The following CNGB3 variants were observed in gnomAD, a reference collection of about 807,000 sequenced individuals.
The protein encoded by CNGB3 is cyclic nucleotide gated channel subunit beta 3.
Under a neutral mutation model 92.8 loss-of-function variants are expected in CNGB3, and 86 were observed. That is an observed-to-expected ratio of 0.93 (90% CI 0.78 to 1.11). CNGB3 has a LOEUF of 1.11. CNGB3 is among the 50% of genes least tolerant of loss of function. The pLI, the probability that CNGB3 is intolerant of heterozygous loss-of-function variation, is 0.00. For synonymous variants in CNGB3, 333 were observed against 332.7 expected, an observed-to-expected ratio of 1.00 and a Z score of -0.01; for missense variants, 1,026 against 956.8, an observed-to-expected ratio of 1.07 and a Z score of -0.95.
intron 3 of CNGB3, among the ~76,000 whole-genome samples, chr8:86,672,790 C>A (rs1441806904): frequency 6.6e-6 from 1 of 152,202 alleles, no homozygotes; most frequent in East Asian, 1.9e-4. Context: ...CTCTTACCTT[C>A]TTATTATCAT....
intron 13 of CNGB3, among the ~76,000 whole-genome samples, chr8:86,623,490 CTG>C (rs543671097): frequency 8.0e-4 from 122 of 152,232 alleles, no homozygotes; most frequent in Non-Finnish European, 1.3e-3. Context: ...GGGAGGAACA[CTG>C]TGTCCTTACA....
chr8:86,655,204 G>A (rs1471765426), intron 6 of CNGB3, among the ~76,000 whole-genome samples: 1 of 152,010 alleles, frequency 6.6e-6, no homozygotes, highest in Admixed American at 6.6e-5. Flanking sequence ...CTGCTTTCTG[G>A]CACTGCTGTC....
chr8:86,578,983 T>C (rs1821711052), intron 16 of CNGB3, 120 bp from the exon 17 acceptor site: 11 of 1,535,186 alleles, frequency 7.2e-6, no homozygotes, highest in African/African-American at 1.4e-5. Context: ...CATTAATAGT[T>C]GTTCATTAAG....
At chr8:86,643,304 G>C (rs145235409) in intron 10 of CNGB3, among the ~76,000 whole-genome samples, 27 of 151,516 alleles carry the variant, frequency 1.8e-4, no homozygotes, top group Non-Finnish European at 3.7e-4. Flanking sequence ...AGGGTGTTTA[G>C]GGTGTTTATT....
At chr8:86,690,880 G>A (rs984096692) in intron 3 of CNGB3, among the ~76,000 whole-genome samples, 2 of 152,124 alleles carry the variant, frequency 1.3e-5, no homozygotes, top group African/African-American at 4.8e-5. Context: ...GATGTGTGGT[G>A]TTATTTCTGA....
intron 3 of CNGB3, among the ~76,000 whole-genome samples, chr8:86,693,476 T>C (rs890749542): frequency 2.7e-5 from 4 of 150,042 alleles, no homozygotes; most frequent in Non-Finnish European, 5.9e-5. Flanking sequence ...TTGATTATTC[T>C]TGGGTGTTTC....
chr8:86,683,353 G>T (rs1171189847), intron 3 of CNGB3, among the ~76,000 whole-genome samples: 2 of 152,044 alleles, frequency 1.3e-5, no homozygotes, highest in Admixed American at 1.3e-4. Flanking sequence ...TATCCAAGCA[G>T]GTGGCTGGGT....
intron 14 of CNGB3, among the ~76,000 whole-genome samples, chr8:86,605,313 A>G (rs1215454066): frequency 6.6e-6 from 1 of 152,222 alleles, no homozygotes; most frequent in East Asian, 1.9e-4. Context: ...AAAAGAATAG[A>G]TGTCTTACAA....
intron 15 of CNGB3, among the ~76,000 whole-genome samples, chr8:86,597,804 A>AC (rs964433742): frequency 3.3e-5 from 5 of 152,046 alleles, no homozygotes; most frequent in Admixed American, 6.6e-5. Flanking sequence ...ACATGGTGAA[A>AC]CCCCGTCTCT....
chr8:86,611,205 C>T (rs1188045854), intron 14 of CNGB3, among the ~76,000 whole-genome samples: 1 of 152,086 alleles, frequency 6.6e-6, no homozygotes, highest in African/African-American at 2.4e-5. Context: ...TTATTCACTA[C>T]TTGGGAGAGC....
At chr8:86,657,527 G>A (rs1025577203) in intron 6 of CNGB3, 29 of 495,518 alleles carry the variant, frequency 5.9e-5, no homozygotes, top group African/African-American at 5.0e-4. Flanking sequence ...ATTGTCATGG[G>A]GAGAACCCTC....
At chr8:86,600,104 G>T (rs565844118) in intron 15 of CNGB3, among the ~76,000 whole-genome samples, 15 of 152,296 alleles carry the variant, frequency 9.8e-5, no homozygotes, top group African/African-American at 3.6e-4. Context: ...AAATAGAAAA[G>T]AACCTACATG....
intron 3 of CNGB3, among the ~76,000 whole-genome samples, chr8:86,725,423 A>G (rs1655580779): frequency 6.6e-6 from 1 of 152,192 alleles, no homozygotes; most frequent in South Asian, 2.1e-4. Context: ...TAAAATATAA[A>G]TAATTAGTTG....
rs373850748 is a variant in CNGB3 at position 86,647,914 on chromosome 8, T to C, written c.904-27A>G. ...TGTTGAAAGAACACATTCACAAATA[T>C]GTTGTGTTTACATGCCTTTCTGGGA... On this transcript the variant is annotated intron_variant, in intron 7 of 17. Transcript: ENST00000320005. 2.1e-5 allele frequency: 28 copies of C among 1,365,434 alleles called. No homozygotes were observed. In the African/African-American group the frequency reaches 3.7e-4, roughly 18 times the overall value. The allele number at this position is 1,365,434 out of a possible 1,614,324, so 84.6% of individuals were successfully genotyped here.
chr8:86,633,111 G>A (rs1422066317), intron 10 of CNGB3, among the ~76,000 whole-genome samples: 5 of 152,124 alleles, frequency 3.3e-5, no homozygotes, highest in South Asian at 2.1e-4. Flanking sequence ...TTTACTAGCC[G>A]TTACCAAAAT....
At chr8:86,695,279 A>G (rs901957388) in intron 3 of CNGB3, among the ~76,000 whole-genome samples, 66 of 152,250 alleles carry the variant, frequency 4.3e-4, no homozygotes, top group African/African-American at 1.4e-3. Flanking sequence ...CATCAGAGGG[A>G]GACCGTGGAA....
intron 15 of CNGB3, among the ~76,000 whole-genome samples, chr8:86,602,973 A>G (rs563206106): frequency 1.3e-5 from 2 of 152,290 alleles, no homozygotes; most frequent in Admixed American, 6.5e-5. Flanking sequence ...TACTCCAGCC[A>G]TATTGACCTT....
intron 13 of CNGB3, among the ~76,000 whole-genome samples, chr8:86,618,393 C>G (rs577835872): frequency 1.6e-4 from 24 of 152,298 alleles, no homozygotes; most frequent in African/African-American, 5.5e-4. Context: ...ATGGTTGCAT[C>G]AGTTTTATTT....
intron 2 of CNGB3, among the ~76,000 whole-genome samples, chr8:86,731,964 A>G (rs572775757): frequency 2.8e-4 from 42 of 152,314 alleles, no homozygotes; most frequent in African/African-American, 7.0e-4. Flanking sequence ...TCGTAATGCA[A>G]TTTTCCATAA....
Sources: gnomAD v4.1 joint callset for allele counts (sites outside exome capture counted in the v4.1 genomes callset) on GRCh38, gnomAD v4.1.1 for gene constraint, MANE v1.5 for transcripts, NCBI Gene and HGNC (gene_info 2026-07-23, HGNC 2026-07-21) for gene names.